CHST11: variants seen among roughly 807,000 people sequenced by gnomAD.
The protein encoded by CHST11 is C4S-1.
Under a neutral mutation model 30.4 loss-of-function variants are expected in CHST11, and 9 were observed. That is an observed-to-expected ratio of 0.30 (90% CI 0.18 to 0.52). CHST11 has a LOEUF of 0.52. Among genes scored for constraint, CHST11 ranks in the 20% least tolerant of loss-of-function variants. CHST11 has a pLI of 0.97. For synonymous variants in CHST11, 152 were observed against 187.8 expected (o/e 0.81, Z 1.56); for missense variants, 348 against 460.6 (o/e 0.76, Z 2.24).
chr12:104,725,083 C>T (rs2040206634), intron 2 of CHST11, among the ~76,000 whole-genome samples: 1 of 152,110 alleles, frequency 6.6e-6, no homozygotes, highest in African/African-American at 2.4e-5. Flanking sequence ...AAGCCCAGCG[C>T]CCCCATTTTG....
At chr12:104,704,807 C>T (rs76435949) in intron 2 of CHST11, among the ~76,000 whole-genome samples, 220 of 152,064 alleles carry the variant, frequency 1.4e-3, no homozygotes, top group Non-Finnish European at 2.6e-3. Flanking sequence ...GGCTTGGCCC[C>T]GAGGTATGGA....
chr12:104,571,671 C>G (rs1478160786), intron 1 of CHST11, among the ~76,000 whole-genome samples: 1 of 152,184 alleles, frequency 6.6e-6, no homozygotes, highest in Non-Finnish European at 1.5e-5. Flanking sequence ...TGGCTCCTAA[C>G]CCCTGGACCG....
chr12:104,481,799 C>T (rs1005457284), intron 1 of CHST11, among the ~76,000 whole-genome samples: 2 of 150,108 alleles, frequency 1.3e-5, no homozygotes, highest in Non-Finnish European at 3.0e-5. Context: ...TTCCTTCCTT[C>T]CTTCCTCTCT....
intron 1 of CHST11, among the ~76,000 whole-genome samples, chr12:104,560,844 G>A (rs2038506335): frequency 6.6e-6 from 1 of 152,174 alleles, no homozygotes; most frequent in South Asian, 2.1e-4. Context: ...TGGGTCTCTT[G>A]GAATTAGCAG....
At chr12:104,741,995 C>A (rs1161541698) in intron 2 of CHST11, among the ~76,000 whole-genome samples, 1 of 151,986 alleles carries the variant, frequency 6.6e-6, no homozygotes, top group African/African-American at 2.4e-5. Context: ...AACATTCCTG[C>A]TATCCTGCCC....
chr12:104,542,857 A>G (rs2038298809), intron 1 of CHST11, among the ~76,000 whole-genome samples: 1 of 152,210 alleles, frequency 6.6e-6, no homozygotes, highest in African/African-American at 2.4e-5. Context: ...AGGACATTTT[A>G]GGACCCCCAA....
At chr12:104,524,397 A>T (rs1450983389) in intron 1 of CHST11, among the ~76,000 whole-genome samples, 1 of 152,176 alleles carries the variant, frequency 6.6e-6, no homozygotes. Flanking sequence ...TAGTTCATTC[A>T]TTTGTCCTAA....
At chr12:104,570,754 G>A (rs2038616192) in intron 1 of CHST11, among the ~76,000 whole-genome samples, 1 of 150,324 alleles carries the variant, frequency 6.7e-6, no homozygotes, top group Admixed American at 6.6e-5. Context: ...GCAGTGGCGT[G>A]ATCTCTGCTC....
intron 2 of CHST11, among the ~76,000 whole-genome samples, chr12:104,713,004 A>G (rs1566049563): frequency 6.6e-6 from 1 of 152,066 alleles, no homozygotes; most frequent in Non-Finnish European, 1.5e-5. Context: ...GAGATAAATA[A>G]GAAAATGCAC....
chr12:104,619,832 T>G (rs1045284107), intron 2 of CHST11, among the ~76,000 whole-genome samples: 1 of 152,126 alleles, frequency 6.6e-6, no homozygotes, highest in South Asian at 2.1e-4. Context: ...AAGCCCATGG[T>G]TTTTGCAGAT....
In CHST11 at chr12:104,656,396, A is replaced by G. The variant is rs951653953; in HGVS notation, c.204+54405A>G. On this transcript the variant is annotated intron_variant, in intron 2 of 2. Coordinates refer to ENST00000303694, the MANE Select transcript of CHST11 (RefSeq NM_018413.6). Reference sequence around the variant, plus strand: ...GAGGTGCGGTGGTCAGCCTGGGATGAGGCCCTGGGTCTGTCTTCACAGACT... The same window carrying G: ...GAGGTGCGGTGGTCAGCCTGGGATGGGGCCCTGGGTCTGTCTTCACAGACT... 2.0e-4 allele frequency among the ~76,000 whole-genome samples: 30 copies of G among 152,214 alleles called. 4 individuals carry two copies. Among genetic ancestry groups the G allele is most frequent in the Admixed American group, 8.5e-4 (13 of 15,290 alleles).
chr12:104,599,715 CTG>C lies in CHST11; in HGVS notation c.119-2188_119-2187del, dbSNP rs2038940705. Among the ~76,000 whole-genome samples the C allele has an allele frequency of 3.9e-5, 6 of 152,248 alleles. No individual in the cohort carries two copies. The South Asian group carries it at 1.0e-3, about 26-fold the overall frequency. On this transcript the variant is annotated intron_variant, in intron 1 of 2. Transcript: ENST00000303694. ...GCGATTCCCTCCTCCCCAGGGAAGA[CTG>C]TGGGCATGTAGCTATGTTTGGAGCT...
intron 2 of CHST11, among the ~76,000 whole-genome samples, chr12:104,699,627 A>G (rs1184732255): frequency 6.6e-6 from 1 of 152,180 alleles, no homozygotes; most frequent in Non-Finnish European, 1.5e-5. Context: ...TGAGTGGACA[A>G]ATGAGTGAAT....
At chr12:104,557,066 T>C (rs915393159) in intron 1 of CHST11, among the ~76,000 whole-genome samples, 2 of 152,170 alleles carry the variant, frequency 1.3e-5, no homozygotes, top group Non-Finnish European at 2.9e-5. Flanking sequence ...TACTCCAGTA[T>C]GACCTTATCT....
intron 2 of CHST11, among the ~76,000 whole-genome samples, chr12:104,653,161 G>A (rs1368820920): frequency 2.6e-5 from 4 of 152,004 alleles, no homozygotes; most frequent in African/African-American, 9.7e-5. Flanking sequence ...TCTCCTGCCC[G>A]CCAGCCTCTC....
chr12:104,550,521 T>C (rs888395784), intron 1 of CHST11, among the ~76,000 whole-genome samples: 6 of 152,196 alleles, frequency 3.9e-5, no homozygotes, highest in African/African-American at 7.2e-5. Context: ...AAAGCATCCA[T>C]AGGCAATAAG....
chr12:104,528,399 T>C (rs940208449), intron 1 of CHST11, among the ~76,000 whole-genome samples: 36 of 152,198 alleles, frequency 2.4e-4, no homozygotes, highest in African/African-American at 8.0e-4. Flanking sequence ...TTTCTTCAGG[T>C]GCTCAATCAC....
intron 2 of CHST11, among the ~76,000 whole-genome samples, chr12:104,659,850 C>T (rs1047653262): frequency 1.3e-5 from 2 of 150,348 alleles, no homozygotes; most frequent in African/African-American, 2.5e-5. Context: ...GGTATGGTGG[C>T]GTGCCCCTGT....
intron 2 of CHST11, among the ~76,000 whole-genome samples, chr12:104,667,104 A>G (rs541241471): frequency 6.6e-6 from 1 of 152,246 alleles, no homozygotes; most frequent in East Asian, 1.9e-4. Context: ...TTATTTTGAG[A>G]GGTAAGTGAC....
Sources: gnomAD v4.1 joint callset for allele counts (sites outside exome capture counted in the v4.1 genomes callset) on GRCh38, gnomAD v4.1.1 for gene constraint, MANE v1.5 for transcripts, NCBI Gene and HGNC (gene_info 2026-07-23, HGNC 2026-07-21) for gene names.